Variants in TIMM9 observed in about 807,000 individuals in gnomAD.
The protein encoded by TIMM9 is mitochondrial import inner membrane translocase subunit Tim9.
TIMM9 carries 10 observed loss-of-function variants against 13.4 expected under a neutral mutation model. The ratio of observed to expected loss-of-function variants is 0.75; its 90% confidence interval spans 0.46 to 1.26. TIMM9 has a LOEUF of 1.26. Ranked by LOEUF, TIMM9 falls within the 50% of genes most tolerant of loss-of-function variation. The pLI is 0.00. For synonymous variants in TIMM9, 32 were observed against 32.1 expected (o/e 1.00, Z 0.01); for missense variants, 87 against 100.8 (o/e 0.86, Z 0.58).
chr14:58,409,153 G>A lies in TIMM9; in HGVS notation c.151C>T (p.His51Tyr). ...ATTTTTAAATATTTCTGTAAGCAAT[G>A]TTCTGAACAGGTGGTCTAGGAATGA... ...VKPEETTCSEHCLQKYLKMTQ... is the reference protein window; with the variant it reads ...VKPEETTCSEYCLQKYLKMTQ... The change falls in exon 6 of 6, where the codon CAT becomes TAT. Residue 51 changes from histidine to tyrosine, a missense_variant. By Grantham distance (83) the His-to-Tyr change is moderately conservative. Coordinates refer to ENST00000395159, the MANE Select transcript of TIMM9 (RefSeq NM_012460.4). The A allele has an allele frequency of 6.2e-7, 1 of 1,613,544 alleles. No individual in the cohort carries two copies. The highest frequency in any genetic ancestry group is 1.3e-5 in the African/African-American group (1 of 74,990).
intron 3 of TIMM9, among the ~76,000 whole-genome samples, chr14:58,414,905 G>C (rs1407664026): frequency 1.3e-5 from 2 of 152,104 alleles, no homozygotes; most frequent in African/African-American, 2.4e-5. Context: ...GCAGTAATGA[G>C]GTACCCATCT....
rs759631994 is a variant in TIMM9 at position 58,409,137 on chromosome 14, T to A, written c.167A>T (p.Tyr56Phe). 2.5e-6 allele frequency: 4 copies of A among 1,613,848 alleles called. No homozygotes were observed. The East Asian group carries it at 8.9e-5, about 36-fold the overall frequency. ...GGATATTCTTTGTGTCATTTTTAAA[T>A]ATTTCTGTAAGCAATGTTCTGAACA... ...TTCSEHCLQKYLKMTQRISMR... is the reference protein window; with the variant it reads ...TTCSEHCLQKFLKMTQRISMR... The change falls in exon 6 of 6, where the codon TAT (tyrosine) becomes TTT (phenylalanine). Residue 56 changes from tyrosine to phenylalanine, a missense_variant. Coordinates refer to ENST00000395159, the MANE Select transcript of TIMM9 (RefSeq NM_012460.4).
chr14:58,414,289 C>T (rs2036322819), intron 3 of TIMM9, among the ~76,000 whole-genome samples: 1 of 151,958 alleles, frequency 6.6e-6, no homozygotes, highest in African/African-American at 2.4e-5. Flanking sequence ...TTCGTTGAAA[C>T]TAGTAGTAAA....
chr14:58,422,405 T>G (rs1174328503), intron 3 of TIMM9, among the ~76,000 whole-genome samples: 1 of 152,142 alleles, frequency 6.6e-6, no homozygotes, highest in African/African-American at 2.4e-5. Context: ...CATGAGCCAC[T>G]GTGCCCAGTC....
chr14:58,423,054 C>G (rs1206371283), intron 3 of TIMM9, among the ~76,000 whole-genome samples: 2 of 151,968 alleles, frequency 1.3e-5, no homozygotes, highest in Non-Finnish European at 2.9e-5. Flanking sequence ...ATCCACCCAC[C>G]TCAGCCTCCC....
chr14:58,426,901 C>A (rs1430293549), intron 2 of TIMM9, among the ~76,000 whole-genome samples, 153 bp downstream of exon 2: 1 of 152,192 alleles, frequency 6.6e-6, no homozygotes, highest in Non-Finnish European at 1.5e-5. Flanking sequence ...GGTCTGCACC[C>A]GACCCGGCGA....
chr14:58,417,236 G>A (rs1307027149), intron 3 of TIMM9, among the ~76,000 whole-genome samples: 4 of 151,984 alleles, frequency 2.6e-5, no homozygotes, highest in Non-Finnish European at 5.9e-5. Context: ...GCCCAGTCTA[G>A]GGTATGTCTT....
intron 2 of TIMM9, among the ~76,000 whole-genome samples, chr14:58,426,125 A>T (rs543249203): frequency 6.6e-6 from 1 of 152,046 alleles, no homozygotes; most frequent in African/African-American, 2.4e-5. Flanking sequence ...TCAAAAAACA[A>T]CACAAAACTC....
At chr14:58,411,525 T>C (rs2036215372) in intron 4 of TIMM9, among the ~76,000 whole-genome samples, 1 of 151,714 alleles carries the variant, frequency 6.6e-6, no homozygotes, top group Non-Finnish European at 1.5e-5. Flanking sequence ...GAAACAATTG[T>C]TTTGTGAAAC....
intron 3 of TIMM9, among the ~76,000 whole-genome samples, chr14:58,422,035 C>A (rs1219854281): frequency 2.7e-5 from 4 of 147,692 alleles, no homozygotes; most frequent in Non-Finnish European, 6.0e-5. Flanking sequence ...TTTTTTAATT[C>A]CATCCTTGTA....
Position 58,408,525 on chromosome 14 carries a change from C to T in TIMM9, c.*509G>A. The T allele has an allele frequency of 6.2e-7, 1 of 1,613,282 alleles. No individual in the cohort carries two copies. Among genetic ancestry groups the T allele is most frequent in the Non-Finnish European group, 8.5e-7 (1 of 1,179,636 alleles). ...AGCAAGTAACTATTTTATGTATTCA[C>T]CAGCAATTTGAGGCAGACATGAATG... On this transcript the variant is annotated 3_prime_UTR_variant, in exon 6 of 6. Coordinates refer to ENST00000395159, the MANE Select transcript of TIMM9 (RefSeq NM_012460.4).
intron 3 of TIMM9, among the ~76,000 whole-genome samples, chr14:58,422,497 A>G (rs1277495944): frequency 2.6e-5 from 4 of 152,150 alleles, no homozygotes; most frequent in African/African-American, 9.7e-5. Context: ...TCCTTATTAT[A>G]TATCTCATGG....
intron 5 of TIMM9, among the ~76,000 whole-genome samples, chr14:58,410,520 A>C (rs1267611879): frequency 6.6e-6 from 1 of 152,216 alleles, no homozygotes. Flanking sequence ...AGGGCCATAC[A>C]GAAAGGCTGT....
In TIMM9 at chr14:58,408,975, A is replaced by G; in HGVS notation, c.*59T>C. 2.5e-6 allele frequency: 4 copies of G among 1,583,436 alleles called. No individual in the cohort carries two copies. In the South Asian group the frequency reaches 4.7e-5, roughly 19 times the overall value. The stretch of plus-strand genomic sequence containing the variant: ...AGGGGATTCTATCAGATGAGTCCTC[A>G]TTTCCAATAAAGCAGCTGTTGGCAA... On this transcript the variant is annotated 3_prime_UTR_variant, in exon 6 of 6. Transcript: ENST00000395159.
At chr14:58,422,437 G>A (rs1486235384) in intron 3 of TIMM9, among the ~76,000 whole-genome samples, 2 of 152,038 alleles carry the variant, frequency 1.3e-5, no homozygotes, top group African/African-American at 4.8e-5. Context: ...ATCTTTAAAT[G>A]TTCTCTAAGT....
At position 58,415,986 on chromosome 14, in the gene TIMM9, C is replaced by T. The variant is rs376094043; in HGVS notation, c.-26-4015G>A. 2.5e-4 allele frequency among the ~76,000 whole-genome samples: 38 copies of T among 149,850 alleles called. No homozygotes were observed. The East Asian group carries it at 6.6e-3, about 26-fold the overall frequency. On this transcript the variant is annotated intron_variant, in intron 3 of 5. Transcript: ENST00000395159. ...ATCCTAGCACTTTGGGAGGCCAAAG[C>T]GGGTGGGTCGATTGAGGTCAGGAGT...
chr14:58,408,844 A>C lies in TIMM9; in HGVS notation c.*190T>G. The C allele has an allele frequency of 5.0e-6, 4 of 803,570 alleles. No individual in the cohort carries two copies. Among genetic ancestry groups the C allele is most frequent in the Non-Finnish European group, 7.6e-6 (4 of 528,260 alleles). The allele number at this position is 803,570 out of a possible 1,614,324, so 49.8% of individuals were successfully genotyped here. On this transcript the variant is annotated 3_prime_UTR_variant, in exon 6 of 6. Coordinates refer to ENST00000395159, the MANE Select transcript of TIMM9 (RefSeq NM_012460.4). ...TCTTATTATTTCACTGAACAATAAG[A>C]CCTTCTATTGTGATTATTCCTGGTA...
At chr14:58,426,056 G>A (rs1313144327) in intron 2 of TIMM9, among the ~76,000 whole-genome samples, 1 of 151,744 alleles carries the variant, frequency 6.6e-6, no homozygotes, top group East Asian at 2.0e-4. Flanking sequence ...GGCGGAGGTT[G>A]CAGTGAGCCA....
chr14:58,418,721 A>G (rs2036493634), intron 3 of TIMM9, among the ~76,000 whole-genome samples: 2 of 152,294 alleles, frequency 1.3e-5, no homozygotes, highest in Non-Finnish European at 2.9e-5. Flanking sequence ...AAGAAAAAAA[A>G]AGATTTAGGG....
Sources: gnomAD v4.1 joint callset for allele counts (sites outside exome capture counted in the v4.1 genomes callset) on GRCh38, gnomAD v4.1.1 for gene constraint, MANE v1.5 for transcripts, NCBI Gene and HGNC (gene_info 2026-07-23, HGNC 2026-07-21) for gene names.